Variants in DIDO1 observed in about 807,000 individuals in gnomAD.
DIDO1 encodes death inducer-obliterator 1.
A neutral mutation model predicts 99.4 loss-of-function variants in DIDO1; 16 were observed. The ratio of observed to expected loss-of-function variants is 0.16; its 90% CI spans 0.11 to 0.24. The LOEUF is 0.24. Among genes scored for constraint, DIDO1 ranks in the 10% least tolerant of loss-of-function variants. The pLI, the probability that DIDO1 is intolerant of heterozygous loss-of-function variation, is 1.00. For missense variants in DIDO1, 2,996 were observed against 3,014.0 expected, an observed-to-expected ratio of 0.99 and a Z score of 0.14; for synonymous variants, 1,366 against 1,239.1, an observed-to-expected ratio of 1.10 and a Z score of -2.15.
chr20:62,878,632 G>GA lies in DIDO1; in HGVS notation c.*600dup, dbSNP rs1263849100. ...AGATGTTGCTTTAAATCATGTTTTG[G>GA]AAAAAATTGATAAGGTGATATATAA... On this transcript the variant is annotated 3_prime_UTR_variant, in exon 16 of 16. Coordinates refer to ENST00000395343, the MANE Select transcript of DIDO1 (RefSeq NM_001193369.2). The GA allele has an allele frequency of 6.6e-6, 1 of 152,144 alleles. No individual in the cohort carries two copies. Among genetic ancestry groups the GA allele is most frequent in the Non-Finnish European group, 1.5e-5 (1 of 68,030 alleles). The allele number at this position is 152,144 out of a possible 1,614,324, so 9.4% of individuals were successfully genotyped here.
At chr20:62,930,353 T>G (rs530025557), upstream of DIDO1, among the ~76,000 whole-genome samples, 1 of 152,364 alleles carries the variant, frequency 6.6e-6, no homozygotes, top group East Asian at 1.9e-4. Context: ...AATGCTGTTT[T>G]GAGACAACCA....
rs544365026 is a variant in DIDO1 at position 62,933,384 on chromosome 20, C to T, written c.-200+4412G>A. 4.6e-5 allele frequency among the ~76,000 whole-genome samples: 7 copies of T among 152,352 alleles called. 1 individual carries two copies. The South Asian group carries it at 1.4e-3, about 32-fold the overall frequency. On this transcript the variant is annotated intron_variant, in intron 1 of 15. Coordinates refer to the DIDO1 transcript ENST00000266070. ...TGCTAACCATTCTAAGCATCAACAACTGATGGGTTTATCAATTATCCTGAA... is the reference window on the plus strand; with the variant it reads ...TGCTAACCATTCTAAGCATCAACAATTGATGGGTTTATCAATTATCCTGAA...
In DIDO1 at chr20:62,899,435, CG is replaced by C. The variant is rs143249889; in HGVS notation, c.1589-2440del. On this transcript the variant is annotated intron_variant, in intron 6 of 15. Transcript: ENST00000395343. ...AACCATCAACTCCATTTCTCCAGAT[CG>C]TAAGTGTTGGAATGAGGCGTCCATG... is the stretch of plus-strand genomic sequence containing the variant. Among the ~76,000 whole-genome samples, 68 of 152,268 alleles carry C rather than the reference CG, an allele frequency of 4.5e-4. 2 individuals carry two copies. The East Asian group carries it at 0.013, about 29-fold the overall frequency.
Position 62,895,459 on chromosome 20 carries a change from TAA to T in DIDO1, c.2215-296_2215-295del, listed in dbSNP as rs11086145. Among the ~76,000 whole-genome samples, 3 of 150,780 alleles carry T rather than the reference TAA, an allele frequency of 2.0e-5. No homozygotes were observed. The East Asian group carries it at 5.9e-4, about 29-fold the overall frequency. ...ACGGCCTGTGCTGCACTGGCTCTGC[TAA>T]AAAAAAAACAACACACAACACCTCA... On this transcript the variant is annotated intron_variant, in intron 8 of 15. Coordinates refer to ENST00000395343, the MANE Select transcript of DIDO1 (RefSeq NM_001193369.2).
rs759855227 is a variant in DIDO1, at chr20:62,881,947, C to T, written c.4009G>A (p.Gly1337Arg). 1.9e-6 allele frequency: 3 copies of T among 1,613,360 alleles called. No homozygotes were observed. The highest frequency in any genetic ancestry group is 2.5e-6 in the Non-Finnish European group (3 of 1,180,030). The change falls in exon 16 of 16, where the codon GGG (glycine) becomes AGG (arginine). Residue 1337 changes from glycine (G) to arginine (R), a missense_variant. Transcript: ENST00000395343. This position sits in a 1 kb window ranked among gnomAD's most constrained non-coding sequence, Gnocchi z 8.3. ...TCCTGGGGGAGACCTGCGGTGGACCCGGGAGGCTCTCTGGCGGACGGGTCG... is the reference window on the plus strand; with the variant it reads ...TCCTGGGGGAGACCTGCGGTGGACCTGGGAGGCTCTCTGGCGGACGGGTCG... ...SFDPSAREPP[G>R]STAGLPQEPK...
At chr20:62,898,985 G>C (rs986490842) in intron 6 of DIDO1, among the ~76,000 whole-genome samples, 8 of 152,152 alleles carry the variant, frequency 5.3e-5, no homozygotes, top group African/African-American at 1.9e-4. Flanking sequence ...AGGTCAGTCA[G>C]GTTAAATAAA....
intron 1 of DIDO1, among the ~76,000 whole-genome samples, chr20:62,915,443 C>G (rs1210104687): frequency 2.0e-5 from 3 of 152,224 alleles, no homozygotes; most frequent in Admixed American, 6.5e-5. Context: ...TCAGAAAACA[C>G]TGGAAATAAA....
intron 5 of DIDO1, among the ~76,000 whole-genome samples, 193 bp from the exon 6 acceptor site, chr20:62,906,293 T>C (rs1189002505): frequency 6.6e-6 from 1 of 152,058 alleles, no homozygotes; most frequent in Non-Finnish European, 1.5e-5. Flanking sequence ...GCCCGCAGTT[T>C]CCCCGTGCAA....
chr20:62,893,633 T>G, intron 12 of DIDO1, 33 bp downstream of exon 12: 1 of 1,518,010 alleles, frequency 6.6e-7, no homozygotes, highest in Non-Finnish European at 8.9e-7. Flanking sequence ...AAAAAAAAGT[T>G]TGGCTTGTTC....
intron 6 of DIDO1, among the ~76,000 whole-genome samples, chr20:62,904,578 C>T (rs6011464): frequency 3.9e-5 from 6 of 152,090 alleles, no homozygotes; most frequent in African/African-American, 1.4e-4. Context: ...GCCAGGAGTT[C>T]AAGACCAGCC....
chr20:62,885,984 T>C (rs2064291013), intron 15 of DIDO1, among the ~76,000 whole-genome samples: 1 of 152,110 alleles, frequency 6.6e-6, no homozygotes, highest in Non-Finnish European at 1.5e-5. Flanking sequence ...GGCTAGCCCC[T>C]CCCCTCGGCA....
chr20:62,910,868 C>T lies in DIDO1; in HGVS notation c.745G>A (p.Glu249Lys). Reference sequence around the variant, plus strand: ...GGTCGGCCCAAGTCTCCAGGCTCCTCATCTTTGATGTCCTGAGCCGCCTTT... The same window carrying T: ...GGTCGGCCCAAGTCTCCAGGCTCCTTATCTTTGATGTCCTGAGCCGCCTTT... Reference protein sequence around the residue: ...EGKAAQDIKDEEPGDLGRPKP... With the variant: ...EGKAAQDIKDKEPGDLGRPKP... The change falls in exon 3 of 16, where the codon GAG (glutamate) becomes AAG (lysine). Residue 249 changes from glutamate (E) to lysine (K), a missense_variant. Coordinates refer to ENST00000395343, the MANE Select transcript of DIDO1 (RefSeq NM_001193369.2). 1 of 1,614,204 alleles carries T rather than the reference C, an allele frequency of 6.2e-7. No individual in the cohort carries two copies. Among genetic ancestry groups the T allele is most frequent in the Non-Finnish European group, 8.5e-7 (1 of 1,180,040 alleles).
chr20:62,904,914 C>T (rs960472951), intron 6 of DIDO1: 7 of 908,774 alleles, frequency 7.7e-6, no homozygotes, highest in Non-Finnish European at 9.2e-6. Context: ...AAGTGGGGCA[C>T]TCTGTGATCA....
intron 1 of DIDO1, among the ~76,000 whole-genome samples, chr20:62,934,135 G>A (rs990660263): frequency 9.2e-5 from 14 of 152,100 alleles, no homozygotes; most frequent in African/African-American, 3.4e-4. Context: ...GCCAACCCGT[G>A]TGGCCCTGCA....
rs201497654 is a variant in DIDO1 at position 62,911,185 on chromosome 20, T to C, written c.428A>G (p.Lys143Arg). The change falls in exon 3 of 16, where the codon AAA becomes AGA. Residue 143 changes from lysine (K) to arginine (R), a missense_variant. Physicochemically the swap from Lys to Arg is conservative, Grantham distance 26. Transcript: ENST00000395343. This position sits in a 1 kb window ranked among gnomAD's most constrained non-coding sequence, Gnocchi z 7.0. ...KERPASSEKV[K>R]GGDDHDDTSD... ...GGTGTCATCGTGGTCATCCCCTCCTTTCACCTTTTCAGAAGAGGCTGGTCG... is the reference window on the plus strand; with the variant it reads ...GGTGTCATCGTGGTCATCCCCTCCTCTCACCTTTTCAGAAGAGGCTGGTCG... 1.9e-6 allele frequency: 3 copies of C among 1,613,928 alleles called. No individual in the cohort carries two copies.
Position 62,881,868 on chromosome 20 carries a change from A to C in DIDO1, c.4088T>G (p.Ile1363Ser). The change falls in exon 16 of 16, where the codon ATC becomes AGC. Residue 1363 changes from isoleucine to serine, a missense_variant. Coordinates refer to ENST00000395343, the MANE Select transcript of DIDO1 (RefSeq NM_001193369.2). The surrounding 1 kb of genome is among the most constrained non-coding windows in gnomAD (Gnocchi z 8.3). Reference protein sequence around the residue: ...GVPAPPLLDPIVQQFGQFSKD... With the variant: ...GVPAPPLLDPSVQQFGQFSKD... Reference sequence around the variant, plus strand: ...TGAGAACTGACCGAACTGCTGGACGATCGGATCTAACAACGGAGGTGCCGG... The same window carrying C: ...TGAGAACTGACCGAACTGCTGGACGCTCGGATCTAACAACGGAGGTGCCGG... 3 of 1,613,440 alleles carry C rather than the reference A, an allele frequency of 1.9e-6. No individual in the cohort carries two copies. Among genetic ancestry groups the C allele is most frequent in the Non-Finnish European group, 2.5e-6 (3 of 1,180,004 alleles).
chr20:62,911,453 G>C lies in DIDO1; in HGVS notation c.160C>G (p.Gln54Glu), dbSNP rs1370115537. The change falls in exon 3 of 16, where the codon CAG becomes GAG. Residue 54 changes from glutamine to glutamate, a missense_variant. Transcript: ENST00000395343. This position sits in a 1 kb window ranked among gnomAD's most constrained non-coding sequence, Gnocchi z 7.0. Reference protein sequence around the residue: ...EADPLEPPPPQQQLGLSLRRS... With the variant: ...EADPLEPPPPEQQLGLSLRRS... ...CGCAGGGACAGGCCCAGCTGCTGCTGTGGGGGTGGCGGCTCCAGTGGGTCA... is the reference window on the plus strand; with the variant it reads ...CGCAGGGACAGGCCCAGCTGCTGCTCTGGGGGTGGCGGCTCCAGTGGGTCA... 6.2e-7 allele frequency: 1 copy of C among 1,612,338 alleles called. No individual in the cohort carries two copies. Among genetic ancestry groups the C allele is most frequent in the Non-Finnish European group, 8.5e-7 (1 of 1,179,250 alleles).
At chr20:62,883,975 C>T (rs1403700720) in intron 15 of DIDO1, among the ~76,000 whole-genome samples, 3 of 152,204 alleles carry the variant, frequency 2.0e-5, no homozygotes, top group Non-Finnish European at 4.4e-5. Context: ...CACTGAACTC[C>T]AGCCTGGGCA....
rs1405515899 is a variant in DIDO1 at position 62,911,994 on chromosome 20, G to A, written c.-2-380C>T. The stretch of plus-strand genomic sequence containing the variant: ...CAAGGACGCGAGCAGCTCGGAGGTG[G>A]CACGAGCTCCCCAGCACCTCCGCAG... On this transcript the variant is annotated intron_variant, in intron 2 of 15. Transcript: ENST00000395343. This position sits in a 1 kb window ranked among gnomAD's most constrained non-coding sequence, Gnocchi z 7.0. 1.3e-5 allele frequency among the ~76,000 whole-genome samples: 2 copies of A among 152,106 alleles called. No homozygotes were observed. The highest frequency in any genetic ancestry group is 4.8e-5 in the African/African-American group (2 of 41,358).
Sources: gnomAD v4.1 joint callset for allele counts (sites outside exome capture counted in the v4.1 genomes callset) on GRCh38, gnomAD v4.1.1 for gene constraint, Gnocchi (gnomAD v3.1) non-coding constraint, MANE v1.5 for transcripts, NCBI Gene and HGNC (gene_info 2026-07-23, HGNC 2026-07-21) for gene names.